The following HDGFL2 variants were observed in gnomAD, a reference collection of about 807,000 sequenced individuals.
The protein encoded by HDGFL2 is hepatoma-derived growth factor-related protein 2.
HDGFL2 carries 36 observed loss-of-function variants against 77.1 expected under a neutral mutation model. The ratio of observed to expected loss-of-function variants is 0.47; its 90% CI spans 0.36 to 0.62. The LOEUF (loss-of-function observed/expected upper bound fraction) is 0.62, where lower values mean the gene tolerates loss of function less well. Among genes scored for constraint, HDGFL2 ranks in the 20% least tolerant of loss-of-function variants. The pLI is 0.00. For missense variants in HDGFL2, 976 were observed against 973.4 expected, an observed-to-expected ratio of 1.00 and a Z score of -0.04; for synonymous variants, 463 against 413.1, an observed-to-expected ratio of 1.12 and a Z score of -1.46.
chr19:4,483,739 C>T (rs555154067), intron 3 of HDGFL2, among the ~76,000 whole-genome samples: 2 of 151,706 alleles, frequency 1.3e-5, no homozygotes, highest in East Asian at 1.9e-4. Flanking sequence ...GCCTGTCACA[C>T]GCCATTTTGG....
chr19:4,479,591 A>AG lies in HDGFL2; in HGVS notation c.288+4008_288+4009insG, dbSNP rs903187540. ...GCGAGATTCCATCTAAAAAAAAAAA[A>AG]AAAGAAAGAAAGAAACCCCGCCTCT... On this transcript the variant is annotated intron_variant, in intron 3 of 15. Transcript: ENST00000616600. 1.2e-4 allele frequency among the ~76,000 whole-genome samples: 18 copies of AG among 145,202 alleles called. No individual in the cohort carries two copies. In the East Asian group the frequency reaches 2.1e-3, roughly 17 times the overall value.
At chr19:4,483,745 T>C (rs1006312580) in intron 3 of HDGFL2, among the ~76,000 whole-genome samples, 21 of 152,102 alleles carry the variant, frequency 1.4e-4, no homozygotes, top group African/African-American at 5.1e-4. Context: ...CACACGCCAT[T>C]TTGGTCATCA....
chr19:4,474,404 T>G (rs1278200656), intron 1 of HDGFL2, among the ~76,000 whole-genome samples: 2 of 152,022 alleles, frequency 1.3e-5, no homozygotes, highest in Non-Finnish European at 2.9e-5. Flanking sequence ...AGAGGGATGC[T>G]GGGCCTGGCG....
At chr19:4,482,201 G>T (rs1975238706) in intron 3 of HDGFL2, among the ~76,000 whole-genome samples, 4 of 141,252 alleles carry the variant, frequency 2.8e-5, no homozygotes, top group South Asian at 4.4e-4. Flanking sequence ...CCCTGGCCTT[G>T]TTTTTTCTTT....
rs529821845 is a variant in HDGFL2, at chr19:4,473,857, G to C, written c.73-1418G>C. ...TTTTGGAGGGACTTGAGGGTGGGGT[G>C]GTCCAACCCCAATGCTTGAAATGGA... is the stretch of plus-strand genomic sequence containing the variant. On this transcript the variant is annotated intron_variant, in intron 1 of 15. Coordinates refer to ENST00000616600, the MANE Select transcript of HDGFL2 (RefSeq NM_001001520.3). 2.6e-5 allele frequency among the ~76,000 whole-genome samples: 4 copies of C among 151,972 alleles called. No homozygotes were observed. In the East Asian group the frequency reaches 7.8e-4, roughly 29 times the overall value.
Position 4,475,053 on chromosome 19 carries a change from A to C in HDGFL2, c.73-222A>C. 11 of 560,406 alleles carry C rather than the reference A, an allele frequency of 2.0e-5. 1 individual carries two copies. Among genetic ancestry groups the C allele is most frequent in the Non-Finnish European group, 3.2e-5 (10 of 313,564 alleles). The allele number at this position is 560,406 out of a possible 1,614,324, so 34.7% of individuals were successfully genotyped here. A position where few individuals can be genotyped will look rare whatever the true frequency, so the allele number is the denominator to read the frequency against. On this transcript the variant is annotated intron_variant, in intron 1 of 15. Transcript: ENST00000616600. ...CAGGTGGAGCACCTGCCCTGGGGCC[A>C]GCTCCGTCCCTGGGGTAGGGGGAGA...
chr19:4,498,710 C>T (rs1223614932), intron 12 of HDGFL2, 104 bp from the exon 13 acceptor site: 15 of 744,326 alleles, frequency 2.0e-5, no homozygotes, highest in Non-Finnish European at 3.3e-5. Context: ...GATACAGCTC[C>T]CCTCAAGGAG....
At chr19:4,483,694 T>G (rs1182292308) in intron 3 of HDGFL2, among the ~76,000 whole-genome samples, 1 of 151,930 alleles carries the variant, frequency 6.6e-6, no homozygotes, top group East Asian at 1.9e-4. Context: ...TCCTCCACCT[T>G]GCTCTCTCCT....
rs904333073 is a variant in HDGFL2, at chr19:4,499,818, C to T, written c.1789+114C>T. ...GCTCTACTCTCTGCCCCAAACCTGC[C>T]AGAGTGTCATGTCCTGTTGGGGTCT... On this transcript the variant is annotated intron_variant, in intron 14 of 15. Coordinates refer to ENST00000616600, the MANE Select transcript of HDGFL2 (RefSeq NM_001001520.3). 1.0e-5 allele frequency: 9 copies of T among 871,434 alleles called. No homozygotes were observed. The African/African-American group carries it at 1.4e-4, about 13-fold the overall frequency. The allele number at this position is 871,434 out of a possible 1,614,324, so 54.0% of individuals were successfully genotyped here.
chr19:4,482,216 CT>C (rs1355467828), intron 3 of HDGFL2, among the ~76,000 whole-genome samples: 50 of 116,462 alleles, frequency 4.3e-4, no homozygotes, highest in Admixed American at 6.9e-4. Flanking sequence ...TTCTTTCTTT[CT>C]TTTTTTTTTT....
intron 13 of HDGFL2, 46 bp downstream of exon 13, chr19:4,498,961 G>C: frequency 7.2e-7 from 1 of 1,394,580 alleles, no homozygotes; most frequent in Non-Finnish European, 1.0e-6. Context: ...GGGGGAGCTG[G>C]GAGCAAGTGC....
chr19:4,481,787 G>A (rs1255439076), intron 3 of HDGFL2, among the ~76,000 whole-genome samples: 1 of 152,026 alleles, frequency 6.6e-6, no homozygotes, highest in African/African-American at 2.4e-5. Flanking sequence ...CAGAGGATTT[G>A]GTAGTGCTGA....
rs749223173 is a variant in HDGFL2, at chr19:4,475,258, C to A, written c.73-17C>A. ...GTCAGTGGGTAAAGCCACCCCCTCA[C>A]TGGCCTCTCACTGCAGATCGACGAC... On this transcript the variant is annotated splice_polypyrimidine_tract_variant and intron_variant, in intron 1 of 15. Transcript: ENST00000616600. The A allele has an allele frequency of 1.2e-6, 2 of 1,612,722 alleles. No individual in the cohort carries two copies. The highest frequency in any genetic ancestry group is 3.3e-4 in the Middle Eastern group (2 of 6,024).
intron 3 of HDGFL2, among the ~76,000 whole-genome samples, chr19:4,487,291 C>T (rs1360552505): frequency 6.6e-6 from 1 of 151,952 alleles, no homozygotes; most frequent in African/African-American, 2.4e-5. Context: ...GGGTCTTGCT[C>T]TATCACTCAG....
intron 6 of HDGFL2, among the ~76,000 whole-genome samples, chr19:4,492,650 CTGTG>C (rs749872639): frequency 6.8e-6 from 1 of 146,834 alleles, no homozygotes; most frequent in Non-Finnish European, 1.5e-5. Context: ...TGTGTGTTGT[CTGTG>C]TGGTGTGTGT....
chr19:4,491,218 A>C, intron 4 of HDGFL2, among the ~76,000 whole-genome samples: 1 of 141,580 alleles, frequency 7.1e-6, no homozygotes, highest in Non-Finnish European at 1.5e-5. Flanking sequence ...CCCAAGCTGA[A>C]ATGCTGTCCC....
intron 3 of HDGFL2, 126 bp from the exon 4 acceptor site, chr19:4,488,550 G>A: frequency 1.2e-6 from 1 of 853,576 alleles, no homozygotes; most frequent in Non-Finnish European, 1.8e-6. Context: ...CATTTGTAAA[G>A]CCAGGAGACA....
Position 4,498,905 on chromosome 19 carries a change from C to T in HDGFL2, c.1565C>T (p.Thr522Ile). The change falls in exon 13 of 16, where the codon ACC becomes ATC. Residue 522 changes from threonine to isoleucine, a missense_variant. This residue lies in a region of HDGFL2 where 46 missense variants were observed against 81.3 expected (regional missense o/e 0.57). Coordinates refer to ENST00000616600, the MANE Select transcript of HDGFL2 (RefSeq NM_001001520.3). ...ILQKNTDVVA[T>I]LKKIRRYKAN... ...CAGAAGAACACAGACGTGGTGGCCA[C>T]CTTGAAGAAGGTATGGCGGGGGAAT... The T allele has an allele frequency of 6.2e-7, 1 of 1,608,216 alleles. No individual in the cohort carries two copies. Among genetic ancestry groups the T allele is most frequent in the Non-Finnish European group, 8.5e-7 (1 of 1,176,562 alleles).
intron 9 of HDGFL2, 60 bp from the exon 10 acceptor site, chr19:4,496,242 T>G: frequency 1.5e-6 from 2 of 1,378,414 alleles, no homozygotes; most frequent in Non-Finnish European, 2.1e-6. Flanking sequence ...TGGGATGGGC[T>G]AGGGGTCTGG....
Sources: allele counts gnomAD v4.1 joint callset (sites outside exome capture counted in the v4.1 genomes callset), GRCh38; gene constraint gnomAD v4.1.1; regional missense constraint gnomAD v4.1.1; transcripts MANE v1.5; gene names NCBI Gene and HGNC (gene_info 2026-07-23, HGNC 2026-07-21).